Variants in NALF1 observed in about 807,000 individuals in gnomAD.
The protein encoded by NALF1 is NALCN channel auxiliary factor 1.
A neutral mutation model predicts 48.4 loss-of-function variants in NALF1; 3 were observed. The observed-to-expected ratio is 0.06, with a 90% CI of 0.03 to 0.16. The LOEUF (loss-of-function observed/expected upper bound fraction) is 0.16. Among genes scored for constraint, NALF1 ranks in the 10% least tolerant of loss-of-function variants. The probability of loss-of-function intolerance (pLI) is 1.00; values close to 1 mark genes in which losing one functional copy is unlikely to be tolerated. For synonymous variants in NALF1, 262 were observed against 245.7 expected, an observed-to-expected ratio of 1.07 and a Z score of -0.62; for missense variants, 526 against 571.5, an observed-to-expected ratio of 0.92 and a Z score of 0.81.
intron 1 of NALF1, among the ~76,000 whole-genome samples, chr13:107,393,164 G>C (rs1883655284): frequency 6.6e-6 from 1 of 152,148 alleles, no homozygotes; most frequent in East Asian, 1.9e-4. Flanking sequence ...ATCTATTAAC[G>C]GGATTTTAGG....
At chr13:107,718,283 T>G (rs1192420994) in intron 1 of NALF1, among the ~76,000 whole-genome samples, 3 of 152,196 alleles carry the variant, frequency 2.0e-5, no homozygotes, top group Non-Finnish European at 4.4e-5. Context: ...CGGATAAGAT[T>G]GTCATGGACT....
intron 1 of NALF1, among the ~76,000 whole-genome samples, chr13:107,435,182 G>C (rs16970106): frequency 0.032 from 4,850 of 152,164 alleles, 229 homozygotes; most frequent in East Asian, 0.17. Flanking sequence ...GTCAAAAAGA[G>C]TCCTATCTGT....
At chr13:107,858,463 G>C (rs1192116663) in intron 1 of NALF1, among the ~76,000 whole-genome samples, 1 of 152,126 alleles carries the variant, frequency 6.6e-6, no homozygotes, top group African/African-American at 2.4e-5. Flanking sequence ...AGCCAAGGTG[G>C]GAGCATCACC....
chr13:107,237,697 T>A (rs768946932), intron 1 of NALF1, among the ~76,000 whole-genome samples: 1 of 152,192 alleles, frequency 6.6e-6, no homozygotes, highest in Non-Finnish European at 1.5e-5. Context: ...CCTGACTACA[T>A]AGTACACATC....
intron 1 of NALF1, among the ~76,000 whole-genome samples, chr13:107,830,854 T>C (rs1879697669): frequency 6.6e-6 from 1 of 152,210 alleles, no homozygotes; most frequent in South Asian, 2.1e-4. Context: ...GAATTAAGAC[T>C]TACTCATATT....
chr13:107,353,019 G>A (rs1399800198), intron 1 of NALF1, among the ~76,000 whole-genome samples: 1 of 152,016 alleles, frequency 6.6e-6, no homozygotes, highest in Non-Finnish European at 1.5e-5. Flanking sequence ...GAACTTACCT[G>A]CATAACGAGA....
chr13:107,768,298 C>T (rs960024868), intron 1 of NALF1, among the ~76,000 whole-genome samples: 1 of 152,172 alleles, frequency 6.6e-6, no homozygotes, highest in Non-Finnish European at 1.5e-5. Context: ...ATGCTAAATA[C>T]TGTATAATTG....
chr13:107,369,712 A>T (rs1883216117), intron 1 of NALF1, among the ~76,000 whole-genome samples: 1 of 152,142 alleles, frequency 6.6e-6, no homozygotes, highest in African/African-American at 2.4e-5. Flanking sequence ...TCCAAATGTT[A>T]TACAGTTTTT....
At chr13:107,657,284 G>GA (rs1383215144) in intron 1 of NALF1, among the ~76,000 whole-genome samples, 2 of 152,068 alleles carry the variant, frequency 1.3e-5, no homozygotes, top group African/African-American at 4.8e-5. Context: ...GAGAGAGAGT[G>GA]AAATTATACA....
At chr13:107,864,786 C>G (rs780921793) in intron 1 of NALF1, among the ~76,000 whole-genome samples, 6 of 152,176 alleles carry the variant, frequency 3.9e-5, no homozygotes, top group South Asian at 4.1e-4. Flanking sequence ...GCATTTGCAT[C>G]GACCAATTCT....
intron 1 of NALF1, among the ~76,000 whole-genome samples, chr13:107,358,400 A>T (rs538954401): frequency 6.6e-6 from 1 of 152,312 alleles, no homozygotes; most frequent in Admixed American, 6.5e-5. Context: ...GGTGAAAAAC[A>T]TTTAGCAGTG....
intron 2 of NALF1, among the ~76,000 whole-genome samples, chr13:107,184,547 C>T (rs1879133234): frequency 6.6e-6 from 1 of 152,168 alleles, no homozygotes; most frequent in Non-Finnish European, 1.5e-5. Flanking sequence ...ATGTGTATAA[C>T]ATATTTGCAT....
At chr13:107,360,219 T>C (rs1485618832) in intron 1 of NALF1, among the ~76,000 whole-genome samples, 1 of 152,182 alleles carries the variant, frequency 6.6e-6, no homozygotes, top group Non-Finnish European at 1.5e-5. Context: ...AAAGGAAGTG[T>C]GCATAGAGTT....
intron 2 of NALF1, among the ~76,000 whole-genome samples, chr13:107,172,254 T>C (rs895047860): frequency 5.3e-5 from 8 of 152,252 alleles, no homozygotes; most frequent in Non-Finnish European, 1.2e-4. Flanking sequence ...CTCTTAATTA[T>C]AGCAATTATT....
At chr13:107,668,964 A>T (rs1328157131) in intron 1 of NALF1, among the ~76,000 whole-genome samples, 1 of 152,076 alleles carries the variant, frequency 6.6e-6, no homozygotes, top group African/African-American at 2.4e-5. Context: ...ATACCTTCGA[A>T]ATCAGAAATC....
At chr13:107,393,532 A>T (rs1007834115) in intron 1 of NALF1, among the ~76,000 whole-genome samples, 5 of 152,182 alleles carry the variant, frequency 3.3e-5, no homozygotes, top group Non-Finnish European at 7.3e-5. Flanking sequence ...CCATTTCCTC[A>T]TGGGGAAGGA....
At chr13:107,484,446 GTT>G (rs1885297653) in intron 1 of NALF1, among the ~76,000 whole-genome samples, 1 of 152,110 alleles carries the variant, frequency 6.6e-6, no homozygotes, top group African/African-American at 2.4e-5. Context: ...AGGAGAACCA[GTT>G]TGGCAGGGGA....
intron 1 of NALF1, among the ~76,000 whole-genome samples, chr13:107,853,000 G>A (rs892387875): frequency 2.0e-5 from 3 of 152,014 alleles, no homozygotes; most frequent in African/African-American, 7.3e-5. Context: ...AGACTATTAA[G>A]ATGAATTAAT....
chr13:107,713,115 G>C (rs1875653136), intron 1 of NALF1, among the ~76,000 whole-genome samples: 1 of 152,118 alleles, frequency 6.6e-6, no homozygotes, highest in African/African-American at 2.4e-5. Flanking sequence ...CACACATCAG[G>C]GGCTACGGCA....
Sources: gnomAD v4.1 joint callset for allele counts (sites outside exome capture counted in the v4.1 genomes callset) on GRCh38, gnomAD v4.1.1 for gene constraint, MANE v1.5 for transcripts, NCBI Gene and HGNC (gene_info 2026-07-23, HGNC 2026-07-21) for gene names.